CDH12: variants seen among roughly 807,000 people sequenced by gnomAD.
CDH12 encodes cadherin-12.
Under a neutral mutation model 74.1 loss-of-function variants are expected in CDH12, and 41 were observed. That is an observed-to-expected ratio of 0.55 (90% confidence interval 0.43 to 0.72). The LOEUF (loss-of-function observed/expected upper bound fraction) is 0.72, where lower values mean the gene tolerates loss of function less well. CDH12 is among the 30% of genes least tolerant of loss of function. The probability of loss-of-function intolerance (pLI) is 0.00; values close to 1 mark genes in which losing one functional copy is unlikely to be tolerated. For missense variants in CDH12, 945 were observed against 977.2 expected, an observed-to-expected ratio of 0.97 and a Z score of 0.44; for synonymous variants, 399 against 355.0, an observed-to-expected ratio of 1.12 and a Z score of -1.39.
At chr5:21,832,814 TATATGATA>T in intron 8 of CDH12, among the ~76,000 whole-genome samples, 1 of 106,844 alleles carries the variant, frequency 9.4e-6, no homozygotes, top group African/African-American at 4.0e-5. Context: ...TATCATATAA[TATATGATA>T]TATATTATAA....
intron 1 of CDH12, among the ~76,000 whole-genome samples, chr5:22,786,174 TGG>T (rs1747614151): frequency 1.3e-5 from 2 of 152,138 alleles, no homozygotes; most frequent in Admixed American, 6.6e-5. Context: ...AGAACATGGA[TGG>T]AGCTGGAGGA....
intron 4 of CDH12, among the ~76,000 whole-genome samples, chr5:22,145,230 G>T (rs1352984332): frequency 1.3e-5 from 2 of 152,014 alleles, no homozygotes; most frequent in Admixed American, 1.3e-4. Context: ...AACTAACTGT[G>T]TATATATATC....
rs562972509 is a variant in CDH12, at chr5:22,020,473, G to A, written c.232-45088C>T. Among the ~76,000 whole-genome samples the A allele has an allele frequency of 1.0e-3, 153 of 151,586 alleles. 1 individual carries two copies. The highest frequency in any genetic ancestry group is 3.5e-3 in the African/African-American group (146 of 41,292). ...GGGGGCTGAGGCAGGGGAATCGCTT[G>A]AACCCAGGAGGCGGGGGTTGCAGTG... On this transcript the variant is annotated intron_variant, in intron 5 of 14. Transcript: ENST00000382254.
At position 22,244,515 on chromosome 5, in the gene CDH12, AAAAAAAAAAAAAAAAAAAG is replaced by A. The variant is rs1323219109; in HGVS notation, c.-332-31891_-332-31873del. 3.7e-3 allele frequency among the ~76,000 whole-genome samples: 278 copies of A among 75,404 alleles called. 23 individuals are homozygous for A. The highest frequency in any genetic ancestry group is 0.013 in the African/African-American group (252 of 19,694). 49.5% of individuals were successfully genotyped at this position (75,404 alleles called of 152,430 possible). ...GCCTCAAAAAAAAAAAAAAAAAAAA[AAAAAAAAAAAAAAAAAAAG>A]AAGAAGAAGAAGAAGAAGAAGAAAG... On this transcript the variant is annotated intron_variant, in intron 3 of 14. Transcript: ENST00000382254.
chr5:21,752,828 G>A (rs1354616577), intron 14 of CDH12, among the ~76,000 whole-genome samples: 1 of 151,962 alleles, frequency 6.6e-6, no homozygotes, highest in Non-Finnish European at 1.5e-5. Context: ...AAGGAGGAAG[G>A]AAGGAAGGAA....
At chr5:22,810,322 C>T (rs1417434897) in intron 1 of CDH12, among the ~76,000 whole-genome samples, 1 of 152,068 alleles carries the variant, frequency 6.6e-6, no homozygotes, top group South Asian at 2.1e-4. Context: ...TAGTCCTAAA[C>T]AATAGGAAGT....
rs535456824 is a variant in CDH12, at chr5:22,677,042, T to C, written c.-522-171678A>G. Reference sequence around the variant, plus strand: ...AGTGTCTCCAGACACTAGTTAAAAATAGAAATTCTGACAAAAAAAGTGCAT... The same window carrying C: ...AGTGTCTCCAGACACTAGTTAAAAACAGAAATTCTGACAAAAAAAGTGCAT... On this transcript the variant is annotated intron_variant, in intron 1 of 14. Coordinates refer to ENST00000382254, the MANE Select transcript of CDH12 (RefSeq NM_004061.5). Among the ~76,000 whole-genome samples the C allele has an allele frequency of 5.3e-5, 8 of 152,262 alleles. No homozygotes were observed. In the South Asian group the frequency reaches 1.7e-3, roughly 32 times the overall value.
At chr5:22,437,603 TC>T (rs1744457921) in intron 2 of CDH12, among the ~76,000 whole-genome samples, 1 of 151,092 alleles carries the variant, frequency 6.6e-6, no homozygotes, top group Non-Finnish European at 1.5e-5. Context: ...AAAAGTACAT[TC>T]TTTTATAAAT....
At chr5:22,583,465 T>C (rs72637705) in intron 1 of CDH12, among the ~76,000 whole-genome samples, 2 of 152,170 alleles carry the variant, frequency 1.3e-5, no homozygotes, top group East Asian at 1.9e-4. Context: ...ATTGACCACA[T>C]GCCTAGGTAA....
At chr5:22,352,519 A>G (rs1740396933) in intron 3 of CDH12, among the ~76,000 whole-genome samples, 1 of 152,206 alleles carries the variant, frequency 6.6e-6, no homozygotes, top group South Asian at 2.1e-4. Flanking sequence ...TGACTTGCTG[A>G]GTTTATGAGC....
At chr5:22,814,212 GTACCAGA>G (rs1749283249) in intron 1 of CDH12, among the ~76,000 whole-genome samples, 1 of 152,028 alleles carries the variant, frequency 6.6e-6, no homozygotes. Context: ...CCCACAGAAA[GTACCAGA>G]TGGGAATCAA....
At chr5:22,613,862 G>C (rs1737546447) in intron 1 of CDH12, among the ~76,000 whole-genome samples, 1 of 151,982 alleles carries the variant, frequency 6.6e-6, no homozygotes, top group Non-Finnish European at 1.5e-5. Context: ...CCAAATGCTA[G>C]ATTGTAGCTA....
intron 4 of CDH12, among the ~76,000 whole-genome samples, chr5:22,161,480 C>G (rs1243266016): frequency 1.3e-5 from 2 of 151,986 alleles, no homozygotes; most frequent in Non-Finnish European, 2.9e-5. Flanking sequence ...GAGGATCACT[C>G]AAGCTCAGGA....
chr5:22,426,928 C>G (rs1240486480), intron 2 of CDH12, among the ~76,000 whole-genome samples: 1 of 152,112 alleles, frequency 6.6e-6, no homozygotes, highest in Non-Finnish European at 1.5e-5. Context: ...ATTCTTCCCA[C>G]CATGACCTCA....
In CDH12 at chr5:21,880,212, C is replaced by T. The variant is rs1752166750; in HGVS notation, c.527-25422G>A. Among the ~76,000 whole-genome samples the T allele has an allele frequency of 2.0e-5, 3 of 152,156 alleles. No individual in the cohort carries two copies. The South Asian group carries it at 6.2e-4, about 32-fold the overall frequency. On this transcript the variant is annotated intron_variant, in intron 6 of 14. Coordinates refer to ENST00000382254, the MANE Select transcript of CDH12 (RefSeq NM_004061.5). ...GTTTTGTTCATTCCCTGAATTGTAC[C>T]CTGATGAGTACCTATGGCTCAAACA...
intron 5 of CDH12, among the ~76,000 whole-genome samples, chr5:21,975,999 A>G (rs578085396): frequency 1.6e-4 from 25 of 152,206 alleles, no homozygotes; most frequent in African/African-American, 5.5e-4. Context: ...GTGCAAAGGA[A>G]CTCAGAAAAC....
intron 2 of CDH12, among the ~76,000 whole-genome samples, chr5:22,430,520 T>C (rs911162326): frequency 1.3e-5 from 2 of 152,196 alleles, no homozygotes; most frequent in African/African-American, 4.8e-5. Flanking sequence ...TAACTTTATT[T>C]ACTTAGCATG....
intron 3 of CDH12, among the ~76,000 whole-genome samples, chr5:22,231,844 CTAAG>C (rs1186614408): frequency 6.6e-6 from 1 of 151,768 alleles, no homozygotes; most frequent in African/African-American, 2.4e-5. Flanking sequence ...ATATAAAAAT[CTAAG>C]TAATTACTAA....
chr5:22,478,424 A>AT (rs1746259040), intron 2 of CDH12, among the ~76,000 whole-genome samples: 1 of 150,968 alleles, frequency 6.6e-6, no homozygotes, highest in Non-Finnish European at 1.5e-5. Context: ...TCTCAAAAAA[A>AT]AAAAAAAAAA....
Sources: gnomAD v4.1 joint callset for allele counts (sites outside exome capture counted in the v4.1 genomes callset) on GRCh38, gnomAD v4.1.1 for gene constraint, MANE v1.5 for transcripts, NCBI Gene and HGNC (gene_info 2026-07-23, HGNC 2026-07-21) for gene names.